DLG2: variants seen among roughly 807,000 people sequenced by gnomAD.
The protein encoded by DLG2 is discs large MAGUK scaffold protein 2.
DLG2 carries 45 observed loss-of-function variants against 132.5 expected under a neutral mutation model. The ratio of observed to expected loss-of-function variants is 0.34; its 90% confidence interval spans 0.27 to 0.44. DLG2 has a LOEUF of 0.44. Ranked by LOEUF, DLG2 falls within the 20% of genes least tolerant of loss-of-function variation. The pLI is 1.00. For synonymous variants in DLG2, 424 were observed against 419.6 expected (o/e 1.01, Z -0.13); for missense variants, 1,045 against 1,196.9 (o/e 0.87, Z 1.87).
intron 10 of DLG2, among the ~76,000 whole-genome samples, chr11:84,076,915 T>G (rs2096837408): frequency 6.6e-6 from 1 of 152,214 alleles, no homozygotes; most frequent in Non-Finnish European, 1.5e-5. Context: ...TTTCTATACT[T>G]TACTGCATGC....
intron 4 of DLG2, among the ~76,000 whole-genome samples, chr11:85,223,704 C>T (rs2074804407): frequency 6.6e-6 from 1 of 151,990 alleles, no homozygotes; most frequent in African/African-American, 2.4e-5. Context: ...CACTACAAGC[C>T]TTACTAAAAC....
chr11:85,097,625 T>A (rs2152254885), intron 6 of DLG2, among the ~76,000 whole-genome samples: 1 of 152,304 alleles, frequency 6.6e-6, no homozygotes, highest in East Asian at 1.9e-4. Context: ...ATTTTCCTCT[T>A]TTCCATTGTT....
chr11:84,404,789 A>G (rs1023641752), intron 7 of DLG2, among the ~76,000 whole-genome samples: 6 of 152,232 alleles, frequency 3.9e-5, no homozygotes, highest in African/African-American at 1.4e-4. Flanking sequence ...GAATGTAGAA[A>G]TAAACAGACT....
chr11:84,566,401 C>T (rs1266077275), intron 6 of DLG2, among the ~76,000 whole-genome samples: 1 of 152,126 alleles, frequency 6.6e-6, no homozygotes, highest in African/African-American at 2.4e-5. Context: ...CAAGTATCTA[C>T]ATAAATCAGG....
At chr11:85,247,170 C>A (rs2076175991) in intron 4 of DLG2, among the ~76,000 whole-genome samples, 1 of 151,956 alleles carries the variant, frequency 6.6e-6, no homozygotes, top group Non-Finnish European at 1.5e-5. Context: ...ATCTGGGATA[C>A]AATATAAGCG....
At chr11:85,400,121 C>G (rs1010740821) in intron 3 of DLG2, among the ~76,000 whole-genome samples, 1 of 152,024 alleles carries the variant, frequency 6.6e-6, no homozygotes, top group Admixed American at 6.6e-5. Context: ...AGTGGGCAAA[C>G]GATAGGAACA....
Position 84,855,216 on chromosome 11 carries a change from C to T in DLG2, c.357+256445G>A, listed in dbSNP as rs979076657. Reference sequence around the variant, plus strand: ...ATTTGGTTATGGAATTTGAATCTCACACTTGGATTTAACATCAAGTATTAT... The same window carrying T: ...ATTTGGTTATGGAATTTGAATCTCATACTTGGATTTAACATCAAGTATTAT... On this transcript the variant is annotated intron_variant, in intron 6 of 27. Transcript: ENST00000376104. Among the ~76,000 whole-genome samples, 12 of 152,200 alleles carry T rather than the reference C, an allele frequency of 7.9e-5. No individual in the cohort carries two copies. The South Asian group carries it at 1.4e-3, about 18-fold the overall frequency.
intron 7 of DLG2, among the ~76,000 whole-genome samples, chr11:84,269,410 A>T (rs1367260889): frequency 6.6e-6 from 1 of 152,182 alleles, no homozygotes; most frequent in Non-Finnish European, 1.5e-5. Flanking sequence ...TTCTTCCATC[A>T]TTACTGAGCG....
chr11:85,418,591 G>C (rs142845570), intron 3 of DLG2, among the ~76,000 whole-genome samples: 1 of 152,296 alleles, frequency 6.6e-6, no homozygotes, highest in East Asian at 1.9e-4. Flanking sequence ...CTCTTTGTAA[G>C]TCTCTAAGAA....
At chr11:83,743,892 G>A (rs11233737) in intron 18 of DLG2, among the ~76,000 whole-genome samples, 11 of 152,132 alleles carry the variant, frequency 7.2e-5, no homozygotes, top group African/African-American at 1.4e-4. Context: ...TATTTATTAC[G>A]TACTGGGTAT....
chr11:84,731,794 A>C (rs2063185072), intron 6 of DLG2, among the ~76,000 whole-genome samples: 1 of 152,078 alleles, frequency 6.6e-6, no homozygotes, highest in African/African-American at 2.4e-5. Flanking sequence ...GACATAAAAT[A>C]AACTGGAAAT....
intron 3 of DLG2, among the ~76,000 whole-genome samples, chr11:85,301,279 C>G (rs1196942822): frequency 1.3e-5 from 2 of 151,976 alleles, no homozygotes; most frequent in Non-Finnish European, 2.9e-5. Context: ...GAGAGGCAGG[C>G]AGGTAGGTAG....
chr11:84,204,594 AATT>A (rs1193244436), intron 8 of DLG2, among the ~76,000 whole-genome samples: 1 of 152,202 alleles, frequency 6.6e-6, no homozygotes, highest in Non-Finnish European at 1.5e-5. Context: ...GAAACATTAT[AATT>A]ATTATTTATA....
At chr11:84,846,053 A>G (rs1232825217) in intron 6 of DLG2, among the ~76,000 whole-genome samples, 2 of 151,882 alleles carry the variant, frequency 1.3e-5, no homozygotes, top group Non-Finnish European at 2.9e-5. Flanking sequence ...CTGACCTTTA[A>G]AAGTTGGAGT....
chr11:84,918,509 A>G (rs2092602161), intron 6 of DLG2, among the ~76,000 whole-genome samples: 1 of 152,190 alleles, frequency 6.6e-6, no homozygotes, highest in Non-Finnish European at 1.5e-5. Flanking sequence ...ACAACTCTAG[A>G]AAATGATCGG....
chr11:85,083,529 G>T (rs910256084), intron 6 of DLG2, among the ~76,000 whole-genome samples: 1 of 152,160 alleles, frequency 6.6e-6, no homozygotes, highest in Non-Finnish European at 1.5e-5. Flanking sequence ...CTCCAGCTTG[G>T]TTTTATATGT....
At chr11:83,933,618 TA>T (rs1412488964) in intron 14 of DLG2, among the ~76,000 whole-genome samples, 1 of 152,252 alleles carries the variant, frequency 6.6e-6, no homozygotes, top group African/African-American at 2.4e-5. Flanking sequence ...TTTTAATTGC[TA>T]ATCCACAATA....
At chr11:84,695,518 TAA>T (rs943966491) in intron 6 of DLG2, among the ~76,000 whole-genome samples, 6 of 151,594 alleles carry the variant, frequency 4.0e-5, no homozygotes, top group African/African-American at 1.5e-4. Flanking sequence ...CTGAAAGAAA[TAA>T]AGTTACTAAA....
intron 7 of DLG2, among the ~76,000 whole-genome samples, chr11:84,254,232 T>C (rs955685637): frequency 2.0e-5 from 3 of 152,320 alleles, no homozygotes; most frequent in African/African-American, 7.2e-5. Flanking sequence ...ATCCCATCTT[T>C]GCTTTTTTTC....
Sources: allele counts gnomAD v4.1 joint callset (sites outside exome capture counted in the v4.1 genomes callset), GRCh38; gene constraint gnomAD v4.1.1; transcripts MANE v1.5; gene names NCBI Gene and HGNC (gene_info 2026-07-23, HGNC 2026-07-21).